Variants in KAT2B observed in about 807,000 individuals in gnomAD.
KAT2B encodes lysine acetyltransferase 2B.
KAT2B carries 36 observed loss-of-function variants against 105.9 expected under a neutral mutation model. The observed-to-expected ratio is 0.34, with a 90% CI of 0.26 to 0.45. The LOEUF is 0.45. Ranked by LOEUF, KAT2B falls within the 20% of genes least tolerant of loss-of-function variation. The pLI is 1.00. For synonymous variants in KAT2B, 397 were observed against 377.9 expected, an observed-to-expected ratio of 1.05 and a Z score of -0.59; for missense variants, 820 against 1,021.6, an observed-to-expected ratio of 0.80 and a Z score of 2.69.
intron 2 of KAT2B, among the ~76,000 whole-genome samples, chr3:20,073,501 A>G (rs1299533059): frequency 2.6e-5 from 4 of 152,242 alleles, no homozygotes; most frequent in Admixed American, 2.0e-4. Context: ...ATACAAGTAG[A>G]TAATGTGATC....
At chr3:20,119,483 A>T in intron 7 of KAT2B, 115 bp from the exon 8 acceptor site, 2 of 1,021,892 alleles carry the variant, frequency 2.0e-6, no homozygotes, top group African/African-American at 1.6e-5. Flanking sequence ...TGTTTTAAAG[A>T]TGACTTATTT....
At chr3:20,073,101 G>A (rs981120209) in intron 2 of KAT2B, among the ~76,000 whole-genome samples, 4 of 152,078 alleles carry the variant, frequency 2.6e-5, no homozygotes, top group African/African-American at 9.7e-5. Context: ...CCTAATACTA[G>A]TTTTATGATT....
intron 1 of KAT2B, among the ~76,000 whole-genome samples, chr3:20,065,107 G>T (rs1698201439): frequency 6.6e-6 from 1 of 152,088 alleles, no homozygotes; most frequent in Non-Finnish European, 1.5e-5. Flanking sequence ...GCATACTATT[G>T]ACCTCTAACC....
chr3:20,137,726 T>A (rs1427016288), intron 12 of KAT2B: 1 of 152,648 alleles, frequency 6.6e-6, no homozygotes, highest in Non-Finnish European at 1.5e-5. Flanking sequence ...TTTGTCGTGT[T>A]ACCCAGGCTG....
intron 5 of KAT2B, among the ~76,000 whole-genome samples, chr3:20,106,981 A>T (rs1433496635): frequency 1.6e-4 from 1 of 6,232 alleles, no homozygotes; most frequent in South Asian, 7.4e-3. Flanking sequence ...ATATATATGT[A>T]TATATATATA....
At chr3:20,113,369 GT>G (rs1365516622) in intron 6 of KAT2B, among the ~76,000 whole-genome samples, 3 of 152,110 alleles carry the variant, frequency 2.0e-5, no homozygotes, top group Non-Finnish European at 4.4e-5. Flanking sequence ...ACCTGTTATG[GT>G]ATTTAAAGAG....
chr3:20,125,903 A>G lies in KAT2B; in HGVS notation c.1414-2A>G. The G allele has an allele frequency of 6.2e-7, 1 of 1,613,238 alleles. No homozygotes were observed. The highest frequency in any genetic ancestry group is 8.5e-7 in the Non-Finnish European group (1 of 1,179,806). On this transcript the variant is annotated splice_acceptor_variant, in intron 9 of 17. Coordinates refer to ENST00000263754, the MANE Select transcript of KAT2B (RefSeq NM_003884.5). LOFTEE classifies it high-confidence loss of function. ...AATTTTTTCCTGTCTCTTGCATCTCAGACCAATTTTCTGTCAGCACACTCG... is the reference window on the plus strand; with the variant it reads ...AATTTTTTCCTGTCTCTTGCATCTCGGACCAATTTTCTGTCAGCACACTCG...
intron 12 of KAT2B, among the ~76,000 whole-genome samples, chr3:20,139,216 G>GTCT (rs2125190799): frequency 8.3e-6 from 1 of 120,066 alleles, no homozygotes; most frequent in East Asian, 3.4e-4. Context: ...CACCCAGCCA[G>GTCT]ACTTCTTTTT....
Position 20,101,319 on chromosome 3 carries a change from T to A in KAT2B, c.702T>A (p.Ser234Arg). 1.2e-6 allele frequency: 2 copies of A among 1,614,036 alleles called. No individual in the cohort carries two copies. Among genetic ancestry groups the A allele is most frequent in the Non-Finnish European group, 1.7e-6 (2 of 1,180,008 alleles). ...GVNNFVQYKFSHLPAKERQTI... is the reference protein window; with the variant it reads ...GVNNFVQYKFRHLPAKERQTI... ...ATAACTTTGTGCAGTACAAATTTAG[T>A]CACCTGCCAGCAAAAGAAAGGCAAA... The change falls in exon 5 of 18, where the codon AGT becomes AGA. Residue 234 changes from serine to arginine, a missense_variant. Physicochemically the swap from Ser to Arg is moderately radical, Grantham distance 110 (BLOSUM62 -1). Coordinates refer to ENST00000263754, the MANE Select transcript of KAT2B (RefSeq NM_003884.5).
chr3:20,103,284 T>G (rs1299452341), intron 5 of KAT2B, among the ~76,000 whole-genome samples: 1 of 152,226 alleles, frequency 6.6e-6, no homozygotes, highest in African/African-American at 2.4e-5. Flanking sequence ...CAAAGCTGAA[T>G]ATTTGTCAAA....
intron 1 of KAT2B, among the ~76,000 whole-genome samples, chr3:20,049,050 C>T (rs1405702033): frequency 1.4e-5 from 2 of 147,260 alleles, no homozygotes; most frequent in Non-Finnish European, 3.1e-5. Flanking sequence ...TTAGTAGAGA[C>T]GGGGTTTCAC....
intron 7 of KAT2B, 54 bp downstream of exon 7, chr3:20,115,042 G>A: frequency 1.9e-6 from 2 of 1,049,218 alleles, no homozygotes; most frequent in Non-Finnish European, 3.0e-6. Flanking sequence ...AACCTGAAGT[G>A]TAAGTTGCAG....
At chr3:20,117,905 A>T (rs563006872) in intron 7 of KAT2B, among the ~76,000 whole-genome samples, 1 of 152,234 alleles carries the variant, frequency 6.6e-6, no homozygotes, top group Admixed American at 6.5e-5. Context: ...TTGTTTGGAA[A>T]TACTGTCAAA....
intron 5 of KAT2B, among the ~76,000 whole-genome samples, chr3:20,107,806 CTTTTTTTTT>C (rs1206858155): frequency 1.8e-5 from 2 of 113,758 alleles, no homozygotes; most frequent in East Asian, 5.3e-4. Flanking sequence ...TTGCTTTTTC[CTTTTTTTTT>C]TTTTTTTTTT....
intron 2 of KAT2B, among the ~76,000 whole-genome samples, chr3:20,087,147 G>A (rs1698634094): frequency 6.6e-6 from 1 of 152,146 alleles, no homozygotes; most frequent in African/African-American, 2.4e-5. Flanking sequence ...CTATGCCACT[G>A]TAAGATGACT....
At chr3:20,059,664 C>G (rs1360831051) in intron 1 of KAT2B, among the ~76,000 whole-genome samples, 1 of 152,122 alleles carries the variant, frequency 6.6e-6, no homozygotes, top group Non-Finnish European at 1.5e-5. Flanking sequence ...GAGATCGTAC[C>G]ACTGCATTCC....
intron 3 of KAT2B, among the ~76,000 whole-genome samples, chr3:20,098,138 G>C (rs927728282): frequency 6.6e-6 from 1 of 151,766 alleles, no homozygotes; most frequent in Non-Finnish European, 1.5e-5. Flanking sequence ...GCTGAGGCAG[G>C]AGAATTGCTT....
At chr3:20,094,074 T>G (rs1698767560) in intron 2 of KAT2B, among the ~76,000 whole-genome samples, 1 of 152,186 alleles carries the variant, frequency 6.6e-6, no homozygotes, top group Non-Finnish European at 1.5e-5. Context: ...CAATATTTAG[T>G]CTGTCTGAGA....
intron 2 of KAT2B, among the ~76,000 whole-genome samples, chr3:20,078,395 C>A (rs909647804): frequency 1.3e-5 from 2 of 151,830 alleles, no homozygotes; most frequent in African/African-American, 2.4e-5. Context: ...GTGTTGTCAC[C>A]TTTTTCTTTC....
Sources: gnomAD v4.1 joint callset for allele counts (sites outside exome capture counted in the v4.1 genomes callset) on GRCh38, gnomAD v4.1.1 for gene constraint, MANE v1.5 for transcripts, NCBI Gene and HGNC (gene_info 2026-07-23, HGNC 2026-07-21) for gene names.